UVRAG: variants seen among roughly 807,000 people sequenced by gnomAD.
UVRAG encodes UV radiation resistance-associated gene protein.
In UVRAG, 19 loss-of-function variants were observed where a neutral mutation model predicts 78.0. That is an observed-to-expected ratio of 0.24 (90% CI 0.17 to 0.36). UVRAG has a LOEUF of 0.36. UVRAG is among the 10% of genes least tolerant of loss of function. The pLI, the probability that UVRAG is intolerant of heterozygous loss-of-function variation, is 1.00. For synonymous variants in UVRAG, 323 were observed against 324.6 expected (o/e 1.00, Z 0.05); for missense variants, 740 against 853.8 (o/e 0.87, Z 1.66).
chr11:75,870,710 AC>A (rs1239498495), intron 3 of UVRAG, among the ~76,000 whole-genome samples: 1 of 152,010 alleles, frequency 6.6e-6, no homozygotes, highest in Non-Finnish European at 1.5e-5. Flanking sequence ...TCAGTGGGGC[AC>A]CTGTTGTTTT....
At chr11:75,845,052 G>C (rs1946005699) in intron 1 of UVRAG, among the ~76,000 whole-genome samples, 1 of 152,070 alleles carries the variant, frequency 6.6e-6, no homozygotes, top group African/African-American at 2.4e-5. Context: ...AGGAATTTAG[G>C]GTCATATTGC....
chr11:75,940,986 A>G (rs1415173524), intron 6 of UVRAG, among the ~76,000 whole-genome samples: 2 of 152,152 alleles, frequency 1.3e-5, no homozygotes, highest in Admixed American at 6.6e-5. Flanking sequence ...GTCCTTTGAC[A>G]TTACTACTAA....
At chr11:75,883,802 G>T (rs1016578168) in intron 4 of UVRAG, among the ~76,000 whole-genome samples, 1 of 152,108 alleles carries the variant, frequency 6.6e-6, no homozygotes, top group African/African-American at 2.4e-5. Context: ...GGTTTATTGA[G>T]GTACAATTTA....
chr11:76,131,359 C>T (rs1304709175), intron 14 of UVRAG, among the ~76,000 whole-genome samples: 1 of 152,180 alleles, frequency 6.6e-6, no homozygotes, highest in African/African-American at 2.4e-5. Flanking sequence ...TAGGCACCCC[C>T]TCATCCTCTG....
chr11:75,827,338 G>A (rs907671881), intron 1 of UVRAG, among the ~76,000 whole-genome samples: 1 of 152,100 alleles, frequency 6.6e-6, no homozygotes, highest in African/African-American at 2.4e-5. Context: ...TGGGCGGGGC[G>A]CGGTGGCTCA....
chr11:76,034,336 C>G (rs1950490553), intron 12 of UVRAG, among the ~76,000 whole-genome samples: 1 of 152,062 alleles, frequency 6.6e-6, no homozygotes, highest in Non-Finnish European at 1.5e-5. Context: ...GGATTATAGT[C>G]TTATGCCAGC....
chr11:75,864,109 GC>G (rs2134794745), intron 3 of UVRAG, among the ~76,000 whole-genome samples: 1 of 149,426 alleles, frequency 6.7e-6, no homozygotes, highest in Non-Finnish European at 1.5e-5. Flanking sequence ...AGGCTGGAGT[GC>G]AGTAGCATGA....
At chr11:75,833,534 G>A (rs904806505) in intron 1 of UVRAG, among the ~76,000 whole-genome samples, 1 of 152,102 alleles carries the variant, frequency 6.6e-6, no homozygotes, top group Non-Finnish European at 1.5e-5. Flanking sequence ...GCCGAGACCA[G>A]CTCGGTCAGG....
At chr11:76,103,269 G>A (rs1472619042) in intron 13 of UVRAG, among the ~76,000 whole-genome samples, 1 of 151,924 alleles carries the variant, frequency 6.6e-6, no homozygotes, top group African/African-American at 2.4e-5. Context: ...AACACGAGGG[G>A]GTGAAGGTCA....
At chr11:75,952,148 C>T (rs1037774588) in intron 6 of UVRAG, among the ~76,000 whole-genome samples, 1 of 152,106 alleles carries the variant, frequency 6.6e-6, no homozygotes. Context: ...TTGCAATTTG[C>T]CGAATTTACT....
intron 12 of UVRAG, among the ~76,000 whole-genome samples, chr11:76,057,713 A>C (rs1174735102): frequency 1.3e-5 from 2 of 150,538 alleles, no homozygotes; most frequent in East Asian, 4.1e-4. Context: ...AAAATGCAAG[A>C]TGTTTTTTTT....
In UVRAG at chr11:75,927,230, C is replaced by T. The variant is rs118055644; in HGVS notation, c.593+15191C>T. ...GACTGCAGGTGTGTGCCACTACGCC[C>T]GTCTAATTTTTATATTTTTAGTAGA... On this transcript the variant is annotated intron_variant, in intron 6 of 14. Transcript: ENST00000356136. Among the ~76,000 whole-genome samples the T allele has an allele frequency of 2.0e-4, 30 of 152,020 alleles. No homozygotes were observed. The East Asian group carries it at 4.2e-3, about 22-fold the overall frequency.
intron 1 of UVRAG, among the ~76,000 whole-genome samples, chr11:75,840,725 G>T (rs1449477676): frequency 6.6e-6 from 1 of 152,152 alleles, no homozygotes; most frequent in Non-Finnish European, 1.5e-5. Flanking sequence ...AGAGATTAGG[G>T]TTGTTGGGTT....
At chr11:76,041,008 A>G (rs1950639077) in intron 12 of UVRAG, among the ~76,000 whole-genome samples, 1 of 152,212 alleles carries the variant, frequency 6.6e-6, no homozygotes, top group Non-Finnish European at 1.5e-5. Flanking sequence ...CAATTATATG[A>G]AAGTATATCA....
chr11:75,869,473 G>A (rs1946603078), intron 3 of UVRAG, among the ~76,000 whole-genome samples: 1 of 152,178 alleles, frequency 6.6e-6, no homozygotes, highest in African/African-American at 2.4e-5. Context: ...GTGTGTGTGT[G>A]TGTAGCTTAT....
chr11:75,877,563 C>A (rs1231576106), intron 3 of UVRAG, among the ~76,000 whole-genome samples: 11 of 122,360 alleles, frequency 9.0e-5, no homozygotes, highest in Non-Finnish European at 1.4e-4. Flanking sequence ...GGGGGGCTGA[C>A]CCCCCCCACC....
chr11:76,101,218 T>C (rs932594531), intron 13 of UVRAG, among the ~76,000 whole-genome samples: 16 of 152,180 alleles, frequency 1.1e-4, no homozygotes, highest in African/African-American at 1.9e-4. Flanking sequence ...CTGCCAACAG[T>C]GTATAAGCTT....
chr11:75,847,284 C>T (rs191494826), intron 1 of UVRAG, among the ~76,000 whole-genome samples: 34 of 151,830 alleles, frequency 2.2e-4, no homozygotes, highest in Admixed American at 3.9e-4. Flanking sequence ...TGTGCCACCA[C>T]GCCTGGCTAA....
Position 76,116,806 on chromosome 11 carries a change from G to A in UVRAG, c.1397+791G>A, listed in dbSNP as rs117309139. ...TATTTTTCTCATCATCTGCTGTGTGGATTTGAAATTCTACCTCTCTGAAAT... is the reference window on the plus strand; with the variant it reads ...TATTTTTCTCATCATCTGCTGTGTGAATTTGAAATTCTACCTCTCTGAAAT... On this transcript the variant is annotated intron_variant, in intron 14 of 14. Transcript: ENST00000356136. Among the ~76,000 whole-genome samples the A allele has an allele frequency of 8.3e-4, 126 of 152,282 alleles. 1 individual carries two copies. Among genetic ancestry groups the A allele is most frequent in the Admixed American group, 3.7e-3 (56 of 15,302 alleles).
Sources: gnomAD v4.1 joint callset for allele counts (sites outside exome capture counted in the v4.1 genomes callset) on GRCh38, gnomAD v4.1.1 for gene constraint, MANE v1.5 for transcripts, NCBI Gene and HGNC (gene_info 2026-07-23, HGNC 2026-07-21) for gene names.